Variants in BTBD9 observed in about 807,000 individuals in gnomAD.
The protein encoded by BTBD9 is BTB domain containing 9, also known as BTB/POZ domain-containing protein 9.
A neutral mutation model predicts 64.3 loss-of-function variants in BTBD9; 49 were observed. The observed-to-expected ratio is 0.76, with a 90% confidence interval of 0.61 to 0.97. BTBD9 has a LOEUF of 0.97. BTBD9 is among the 50% of genes least tolerant of loss of function. The probability of loss-of-function intolerance (pLI) is 0.00; values close to 1 mark genes in which losing one functional copy is unlikely to be tolerated. For missense variants in BTBD9, 598 were observed against 762.1 expected (o/e 0.78, Z 2.53); for synonymous variants, 260 against 274.7 (o/e 0.95, Z 0.53).
At chr6:38,346,913 T>C (rs1241048040) in intron 6 of BTBD9, among the ~76,000 whole-genome samples, 1 of 152,188 alleles carries the variant, frequency 6.6e-6, no homozygotes, top group Non-Finnish European at 1.5e-5. Flanking sequence ...TCAGATCATT[T>C]CGCTATTCTC....
At chr6:38,461,088 G>C (rs1004010809) in intron 6 of BTBD9, among the ~76,000 whole-genome samples, 7 of 152,198 alleles carry the variant, frequency 4.6e-5, no homozygotes, top group African/African-American at 1.4e-4. Context: ...TGGGGTAAAG[G>C]GAATGGCACA....
chr6:38,313,475 G>T (rs977285508), intron 7 of BTBD9, among the ~76,000 whole-genome samples: 1 of 152,146 alleles, frequency 6.6e-6, no homozygotes, highest in Non-Finnish European at 1.5e-5. Context: ...TAGAGGAAAT[G>T]ATTTCAGTTT....
At chr6:38,177,328 C>G (rs1761316788) in intron 10 of BTBD9, among the ~76,000 whole-genome samples, 1 of 152,158 alleles carries the variant, frequency 6.6e-6, no homozygotes, top group African/African-American at 2.4e-5. Flanking sequence ...CTGTTAATTT[C>G]CAGGCCAGCT....
At chr6:38,526,459 AC>A (rs541175605) in intron 6 of BTBD9, among the ~76,000 whole-genome samples, 1,685 of 152,068 alleles carry the variant, frequency 0.011, 7 homozygotes, top group Non-Finnish European at 0.018. Flanking sequence ...GTGGGGTTGG[AC>A]CCCCCTACAT....
chr6:38,267,423 C>G (rs1296450287), intron 8 of BTBD9, among the ~76,000 whole-genome samples: 1 of 152,064 alleles, frequency 6.6e-6, no homozygotes, highest in Admixed American at 6.6e-5. Flanking sequence ...AACAAAAGGC[C>G]CCAGTGTGGG....
intron 6 of BTBD9, among the ~76,000 whole-genome samples, chr6:38,572,937 G>C (rs1000475035): frequency 6.6e-6 from 1 of 151,768 alleles, no homozygotes; most frequent in Non-Finnish European, 1.5e-5. Context: ...ATGGCAAAAA[G>C]TACCAATAAA....
intron 8 of BTBD9, among the ~76,000 whole-genome samples, chr6:38,281,304 T>C (rs1761507511): frequency 1.3e-5 from 2 of 152,154 alleles, no homozygotes; most frequent in Admixed American, 1.3e-4. Context: ...ACAAACTGAA[T>C]AGATAATCTA....
At chr6:38,565,449 G>C (rs1235968000) in intron 6 of BTBD9, among the ~76,000 whole-genome samples, 4 of 151,926 alleles carry the variant, frequency 2.6e-5, no homozygotes, top group African/African-American at 9.7e-5. Flanking sequence ...CTGTTCCCAT[G>C]AGATGACCTC....
At chr6:38,503,483 C>A (rs898178191) in intron 6 of BTBD9, among the ~76,000 whole-genome samples, 2 of 152,178 alleles carry the variant, frequency 1.3e-5, no homozygotes, top group African/African-American at 4.8e-5. Flanking sequence ...CAACAGCCCT[C>A]TCAAGTTACT....
intron 6 of BTBD9, among the ~76,000 whole-genome samples, chr6:38,437,005 T>G (rs1227516844): frequency 6.6e-6 from 1 of 152,206 alleles, no homozygotes; most frequent in Non-Finnish European, 1.5e-5. Context: ...CAAGCCAGTT[T>G]TTCCCTTATC....
chr6:38,387,755 A>G (rs752841259), intron 6 of BTBD9, among the ~76,000 whole-genome samples: 3 of 152,124 alleles, frequency 2.0e-5, no homozygotes, highest in Admixed American at 6.5e-5. Flanking sequence ...CAGAGGAGAA[A>G]TCTGCCAATA....
At chr6:38,553,052 T>C (rs1263029646) in intron 6 of BTBD9, among the ~76,000 whole-genome samples, 1 of 152,234 alleles carries the variant, frequency 6.6e-6, no homozygotes, top group Non-Finnish European at 1.5e-5. Flanking sequence ...AAATCACCTC[T>C]AGATTACTTA....
At chr6:38,596,168 AAGGT>A in intron 2 of BTBD9, 1 of 573,870 alleles carries the variant, frequency 1.7e-6, no homozygotes. Context: ...GAACCTGTCT[AAGGT>A]AGCATTGAGC....
chr6:38,404,086 A>T (rs981881599), intron 6 of BTBD9, among the ~76,000 whole-genome samples: 1 of 152,176 alleles, frequency 6.6e-6, no homozygotes, highest in African/African-American at 2.4e-5. Flanking sequence ...GAGAGAAGGG[A>T]TTGGGAAGTG....
At chr6:38,506,048 T>G (rs1410051990) in intron 6 of BTBD9, among the ~76,000 whole-genome samples, 1 of 150,926 alleles carries the variant, frequency 6.6e-6, no homozygotes, top group African/African-American at 2.4e-5. Flanking sequence ...GTCCCTCTCA[T>G]TTTTCCTGCC....
intron 10 of BTBD9, among the ~76,000 whole-genome samples, chr6:38,186,642 C>T (rs541571882): frequency 7.9e-5 from 12 of 152,266 alleles, no homozygotes; most frequent in Non-Finnish European, 1.0e-4. Context: ...CCAGGCACCA[C>T]GCTAGGTGCC....
chr6:38,563,282 A>G (rs1582638082), intron 6 of BTBD9, among the ~76,000 whole-genome samples: 1 of 151,820 alleles, frequency 6.6e-6, no homozygotes, highest in Non-Finnish European at 1.5e-5. Flanking sequence ...TCTAGCCCAG[A>G]CCTCCTTTTC....
At position 38,345,473 on chromosome 6, in the gene BTBD9, C is replaced by T. The variant is rs151260576; in HGVS notation, c.1155-380G>A. On this transcript the variant is annotated intron_variant, in intron 6 of 10. Transcript: ENST00000481247. ...CCTTGTGGTTAGGAATGTGCTGGAGCACATGTGCACAAGCAAATGCTTTCC... is the reference window on the plus strand; with the variant it reads ...CCTTGTGGTTAGGAATGTGCTGGAGTACATGTGCACAAGCAAATGCTTTCC... 2.4e-3 allele frequency among the ~76,000 whole-genome samples: 373 copies of T among 152,338 alleles called. 3 individuals are homozygous for T. The highest frequency in any genetic ancestry group is 8.0e-3 in the African/African-American group (333 of 41,584).
At chr6:38,264,331 T>C (rs970917717) in intron 8 of BTBD9, among the ~76,000 whole-genome samples, 2 of 151,992 alleles carry the variant, frequency 1.3e-5, no homozygotes, top group African/African-American at 2.4e-5. Context: ...GGATCAGAGA[T>C]GGTAGACTAA....
Sources: allele counts gnomAD v4.1 joint callset (sites outside exome capture counted in the v4.1 genomes callset), GRCh38; gene constraint gnomAD v4.1.1; transcripts MANE v1.5; gene names NCBI Gene and HGNC (gene_info 2026-07-23, HGNC 2026-07-21).